Variants in LAMA2 observed in about 807,000 individuals in gnomAD.
LAMA2 encodes the protein laminin subunit alpha-2.
In LAMA2, 269 loss-of-function variants were observed where a neutral mutation model predicts 364.8. That is an observed-to-expected ratio of 0.74 (90% CI 0.67 to 0.82). The LOEUF (loss-of-function observed/expected upper bound fraction) is 0.82, where lower values mean the gene tolerates loss of function less well. Among genes scored for constraint, LAMA2 ranks in the 40% least tolerant of loss-of-function variants. The pLI is 0.00. For missense variants in LAMA2, 3,807 were observed against 3,873.2 expected (o/e 0.98, Z 0.45); for synonymous variants, 1,379 against 1,370.6 (o/e 1.01, Z -0.14).
chr6:129,494,953 A>C (rs1583883957), intron 58 of LAMA2, among the ~76,000 whole-genome samples: 1 of 152,200 alleles, frequency 6.6e-6, no homozygotes, highest in African/African-American at 2.4e-5. Context: ...CCACTTATAA[A>C]AATGTTTCTA....
intron 14 of LAMA2, among the ~76,000 whole-genome samples, chr6:129,253,155 G>C (rs960202628): frequency 3.9e-5 from 6 of 152,118 alleles, no homozygotes; most frequent in East Asian, 3.8e-4. Context: ...TTATCTGACA[G>C]AATTTTAACT....
intron 1 of LAMA2, among the ~76,000 whole-genome samples, chr6:128,913,887 A>C (rs898398448): frequency 2.0e-5 from 3 of 152,148 alleles, no homozygotes; most frequent in African/African-American, 7.2e-5. Flanking sequence ...CATTATAGCC[A>C]AAGTCTTAGT....
intron 4 of LAMA2, among the ~76,000 whole-genome samples, chr6:129,111,829 G>T (rs560907063): frequency 2.0e-5 from 3 of 152,022 alleles, no homozygotes; most frequent in African/African-American, 7.2e-5. Context: ...GTAGGGAAGG[G>T]GGGAATAGCA....
intron 1 of LAMA2, among the ~76,000 whole-genome samples, chr6:129,006,278 T>C (rs2114685476): frequency 6.6e-6 from 1 of 152,322 alleles, no homozygotes; most frequent in African/African-American, 2.4e-5. Flanking sequence ...TGGTATTATA[T>C]TTTCAGTGTT....
chr6:129,384,201 A>G lies in LAMA2; in HGVS notation c.5071+968A>G, dbSNP rs550489297. Among the ~76,000 whole-genome samples, 5 of 152,296 alleles carry G rather than the reference A, an allele frequency of 3.3e-5. No homozygotes were observed. In the South Asian group the frequency reaches 8.3e-4, roughly 25 times the overall value. On this transcript the variant is annotated intron_variant, in intron 35 of 64. Transcript: ENST00000421865. ...AAATTATTTCTGCCAGAAAAATCTC[A>G]GTTAATTCATTGTGGTTTATCCTCT...
intron 3 of LAMA2, among the ~76,000 whole-genome samples, chr6:129,096,998 A>G (rs2114870759): frequency 6.6e-6 from 1 of 152,294 alleles, no homozygotes; most frequent in East Asian, 1.9e-4. Context: ...AGCAGATAAA[A>G]TTTGTTTCTA....
At chr6:128,900,322 G>A (rs950915668) in intron 1 of LAMA2, among the ~76,000 whole-genome samples, 2 of 152,260 alleles carry the variant, frequency 1.3e-5, no homozygotes, top group Admixed American at 6.5e-5. Context: ...TGAGAGAAAG[G>A]GGGACAAGAA....
chr6:129,116,969 A>C (rs1397188545), intron 4 of LAMA2, among the ~76,000 whole-genome samples: 1 of 152,160 alleles, frequency 6.6e-6, no homozygotes, highest in Admixed American at 6.6e-5. Flanking sequence ...CAACTTTAAA[A>C]TGACAACAAA....
intron 63 of LAMA2, among the ~76,000 whole-genome samples, chr6:129,512,724 T>G (rs1001931143): frequency 2.0e-5 from 3 of 152,196 alleles, no homozygotes; most frequent in African/African-American, 7.2e-5. Context: ...AAGCCAATCG[T>G]GTTGACTAAT....
At chr6:129,357,938 C>T (rs953285079) in intron 32 of LAMA2, among the ~76,000 whole-genome samples, 1 of 151,912 alleles carries the variant, frequency 6.6e-6, no homozygotes, top group African/African-American at 2.4e-5. Context: ...ATCAGTTGAT[C>T]TCCAGATGCT....
chr6:129,334,884 G>A (rs1775860389), intron 29 of LAMA2, among the ~76,000 whole-genome samples: 1 of 151,760 alleles, frequency 6.6e-6, no homozygotes, highest in Non-Finnish European at 1.5e-5. Flanking sequence ...CCTCCCAAAG[G>A]CCCCATCTCC....
chr6:129,276,923 CAT>C (rs201089661), intron 17 of LAMA2, among the ~76,000 whole-genome samples: 36 of 152,082 alleles, frequency 2.4e-4, no homozygotes, highest in African/African-American at 8.2e-4. Context: ...AGATTGTTGA[CAT>C]AGTCACATGT....
chr6:128,973,366 T>A (rs1782316085), intron 1 of LAMA2, among the ~76,000 whole-genome samples: 2 of 152,250 alleles, frequency 1.3e-5, no homozygotes, highest in African/African-American at 4.8e-5. Flanking sequence ...ACATTCTTTA[T>A]AATTTTTCTT....
Position 129,395,423 on chromosome 6 carries a change from C to T in LAMA2, c.5445+2168C>T, listed in dbSNP as rs928226940. On this transcript the variant is annotated intron_variant, in intron 37 of 64. Coordinates refer to ENST00000421865, the MANE Select transcript of LAMA2 (RefSeq NM_000426.4). ...CAAAATTGATTGTGTCAGTGATGAG[C>T]CCCCTTAGAGCAGCAGCCTCAGCGT... Among the ~76,000 whole-genome samples the T allele has an allele frequency of 2.0e-5, 3 of 152,076 alleles. No homozygotes were observed. The East Asian group carries it at 5.8e-4, about 29-fold the overall frequency.
intron 56 of LAMA2, among the ~76,000 whole-genome samples, chr6:129,488,305 A>T (rs1238748027): frequency 6.6e-6 from 1 of 152,176 alleles, no homozygotes; most frequent in Admixed American, 6.6e-5. Flanking sequence ...GCAAGACTCC[A>T]ACTCGGAAAA....
At position 128,883,177 on chromosome 6, in the gene LAMA2, A is replaced by G; in HGVS notation, c.-69A>G. The G allele has an allele frequency of 6.9e-7, 1 of 1,443,684 alleles. No individual in the cohort carries two copies. The highest frequency in any genetic ancestry group is 2.5e-5 in the East Asian group (1 of 40,314). 89.4% of individuals were successfully genotyped at this position (1,443,684 alleles called of 1,614,324 possible). On this transcript the variant is annotated 5_prime_UTR_variant, in exon 1 of 65. Coordinates refer to ENST00000421865, the MANE Select transcript of LAMA2 (RefSeq NM_000426.4). ...CTGCTGCTCGCTCAGCTCACAAGCCAAGGCCAGGGGACAGGGCGGCAGCGA... is the reference window on the plus strand; with the variant it reads ...CTGCTGCTCGCTCAGCTCACAAGCCGAGGCCAGGGGACAGGGCGGCAGCGA...
chr6:128,888,074 GCAA>G (rs1186557199), intron 1 of LAMA2, among the ~76,000 whole-genome samples: 1 of 152,130 alleles, frequency 6.6e-6, no homozygotes, highest in Non-Finnish European at 1.5e-5. Context: ...GTTTACAGTT[GCAA>G]CTTGAGCCTC....
chr6:129,025,345 A>G (rs1785737690), intron 1 of LAMA2, among the ~76,000 whole-genome samples: 1 of 152,222 alleles, frequency 6.6e-6, no homozygotes, highest in Non-Finnish European at 1.5e-5. Flanking sequence ...TGCATTTAAA[A>G]GAAAAGTGAT....
chr6:129,090,754 A>G (rs1423876040), intron 3 of LAMA2, among the ~76,000 whole-genome samples: 2 of 152,250 alleles, frequency 1.3e-5, no homozygotes, highest in South Asian at 4.1e-4. Context: ...CACTTTATAG[A>G]TTGTGCTATG....
Sources: gnomAD v4.1 joint callset for allele counts (sites outside exome capture counted in the v4.1 genomes callset) on GRCh38, gnomAD v4.1.1 for gene constraint, MANE v1.5 for transcripts, NCBI Gene and HGNC (gene_info 2026-07-23, HGNC 2026-07-21) for gene names.